CSRNP3: variants seen among roughly 807,000 people sequenced by gnomAD.
CSRNP3 encodes cysteine and serine rich nuclear protein 3.
CSRNP3 carries 12 observed loss-of-function variants against 48.0 expected under a neutral mutation model. The observed-to-expected ratio is 0.25, with a 90% CI of 0.16 to 0.41. The LOEUF (loss-of-function observed/expected upper bound fraction) is 0.41, where lower values mean the gene tolerates loss of function less well. CSRNP3 is among the 10% of genes least tolerant of loss of function. The pLI is 1.00. For synonymous variants in CSRNP3, 263 were observed against 269.7 expected (o/e 0.98, Z 0.24); for missense variants, 580 against 724.4 (o/e 0.80, Z 2.29).
chr2:165,658,911 C>G (rs1687053065), intron 5 of CSRNP3, among the ~76,000 whole-genome samples: 1 of 152,146 alleles, frequency 6.6e-6, no homozygotes, highest in South Asian at 2.1e-4. Context: ...GAGGACACAG[C>G]CAAACCATAT....
At chr2:165,650,395 G>A (rs923807870) in intron 4 of CSRNP3, among the ~76,000 whole-genome samples, 1 of 152,182 alleles carries the variant, frequency 6.6e-6, no homozygotes, top group Non-Finnish European at 1.5e-5. Flanking sequence ...CAGTTATCAA[G>A]AGAAGCCAAC....
chr2:165,471,442 G>A (rs748557195), intron 1 of CSRNP3, among the ~76,000 whole-genome samples: 2 of 151,924 alleles, frequency 1.3e-5, no homozygotes, highest in Non-Finnish European at 2.9e-5. Context: ...AATCAATGCA[G>A]CTATATTTTT....
intron 4 of CSRNP3, among the ~76,000 whole-genome samples, chr2:165,609,465 GAAA>G (rs34249194): frequency 0.028 from 2,703 of 97,518 alleles, 71 homozygotes; most frequent in African/African-American, 0.097. Flanking sequence ...TCTAAAAAAA[GAAA>G]AAAAAAAAAA....
chr2:165,471,310 T>C (rs11897179), intron 1 of CSRNP3, among the ~76,000 whole-genome samples: 1,580 of 152,126 alleles, frequency 0.01, 27 homozygotes, highest in East Asian at 0.038. Context: ...GATGGATCTT[T>C]CCGATTTTGT....
chr2:165,540,943 G>A (rs772865730), intron 3 of CSRNP3, among the ~76,000 whole-genome samples: 4 of 151,952 alleles, frequency 2.6e-5, no homozygotes, highest in Non-Finnish European at 5.9e-5. Flanking sequence ...GTATATATTT[G>A]TAAAAATCAA....
intron 4 of CSRNP3, among the ~76,000 whole-genome samples, chr2:165,596,556 A>G (rs1030118051): frequency 2.6e-5 from 4 of 152,206 alleles, no homozygotes; most frequent in Non-Finnish European, 4.4e-5. Context: ...ATTAGACAAT[A>G]TGATGAAAAG....
chr2:165,615,005 A>G (rs1686213515), intron 4 of CSRNP3, among the ~76,000 whole-genome samples: 1 of 152,294 alleles, frequency 6.6e-6, no homozygotes, highest in East Asian at 1.9e-4. Flanking sequence ...AGAATATTCC[A>G]TGTGCTGATG....
chr2:165,585,613 A>T (rs1242639442), intron 3 of CSRNP3, among the ~76,000 whole-genome samples: 1 of 152,188 alleles, frequency 6.6e-6, no homozygotes, highest in Non-Finnish European at 1.5e-5. Context: ...TATTAAGTTC[A>T]TTAGAATAGA....
intron 3 of CSRNP3, among the ~76,000 whole-genome samples, chr2:165,534,944 A>T (rs1684862547): frequency 6.6e-6 from 1 of 151,798 alleles, no homozygotes; most frequent in Non-Finnish European, 1.5e-5. Flanking sequence ...CATAATAAAA[A>T]GTGTAAATGC....
intron 2 of CSRNP3, among the ~76,000 whole-genome samples, chr2:165,514,648 T>C (rs1684551791): frequency 6.6e-6 from 1 of 152,228 alleles, no homozygotes; most frequent in Non-Finnish European, 1.5e-5. Context: ...AGAACAGGCA[T>C]TAAGCACCAG....
At chr2:165,516,715 TCTATTAG>T (rs2105231277) in intron 2 of CSRNP3, among the ~76,000 whole-genome samples, 1 of 152,254 alleles carries the variant, frequency 6.6e-6, no homozygotes, top group South Asian at 2.1e-4. Context: ...CTCAATAACC[TCTATTAG>T]CTCTGTAATT....
chr2:165,639,626 A>C (rs1281209493), intron 4 of CSRNP3, among the ~76,000 whole-genome samples: 1 of 152,174 alleles, frequency 6.6e-6, no homozygotes, highest in Non-Finnish European at 1.5e-5. Flanking sequence ...AGAAAGGACA[A>C]ATCTGAGAAT....
chr2:165,615,561 T>C (rs189065924), intron 4 of CSRNP3, among the ~76,000 whole-genome samples: 1 of 151,054 alleles, frequency 6.6e-6, no homozygotes, highest in East Asian at 1.9e-4. Context: ...AAAAGAATTA[T>C]AAAAGAATTG....
At position 165,687,588 on chromosome 2, in the gene CSRNP3, A is replaced by G. The variant is rs1424364666; in HGVS notation, c.*7835A>G. 6.6e-6 allele frequency: 1 copy of G among 152,124 alleles called. No individual in the cohort carries two copies. The highest frequency in any genetic ancestry group is 1.5e-5 in the Non-Finnish European group (1 of 67,988). 9.4% of individuals were successfully genotyped at this position (152,124 alleles called of 1,614,324 possible). ...CACTCCTCCTGTGGGAGATAGGAAT[A>G]GTTGTGAAGAGTCTGATGGAATAAA... is the stretch of plus-strand genomic sequence containing the variant. On this transcript the variant is annotated 3_prime_UTR_variant, in exon 7 of 7. Transcript: ENST00000651982.
In CSRNP3 at chr2:165,511,262, T is replaced by C. The variant is rs756070611; in HGVS notation, c.-112-6611T>C. ...CAGCTGAGGAATGGAGAATGCACTC[T>C]TTAAAAAGGTTTGTTAAAAAACAGA... On this transcript the variant is annotated intron_variant, in intron 2 of 6. Coordinates refer to ENST00000651982, the MANE Select transcript of CSRNP3 (RefSeq NM_001172173.2). Among the ~76,000 whole-genome samples, 61 of 152,192 alleles carry C rather than the reference T, an allele frequency of 4.0e-4. 1 individual carries two copies. The highest frequency in any genetic ancestry group is 7.6e-4 in the Non-Finnish European group (52 of 68,038).
At chr2:165,605,986 A>C (rs966263513) in intron 4 of CSRNP3, among the ~76,000 whole-genome samples, 6 of 152,120 alleles carry the variant, frequency 3.9e-5, no homozygotes, top group African/African-American at 1.4e-4. Flanking sequence ...CGGAGGAGAC[A>C]TTGCAAATGA....
rs1687487198 is a variant in CSRNP3 at position 165,679,313 on chromosome 2, G to C, written c.1318G>C (p.Asp440His). The C allele has an allele frequency of 1.7e-5, 27 of 1,613,670 alleles. No homozygotes were observed. Among genetic ancestry groups the C allele is most frequent in the Non-Finnish European group, 2.2e-5 (26 of 1,179,948 alleles). The change falls in exon 7 of 7, where the codon GAT (aspartate) becomes CAT (histidine). Residue 440 changes from aspartate to histidine, a missense_variant. By Grantham distance (81) the Asp-to-His change is moderately conservative. Coordinates refer to ENST00000651982, the MANE Select transcript of CSRNP3 (RefSeq NM_001172173.2). ...ANSSTLYYQIDSHIPGTPNQI... is the reference protein window; with the variant it reads ...ANSSTLYYQIHSHIPGTPNQI... The stretch of plus-strand genomic sequence containing the variant: ...CTCTTCAACTCTGTATTACCAAATA[G>C]ATAGCCACATTCCAGGAACTCCAAA...
At chr2:165,495,998 T>A (rs921825790) in intron 2 of CSRNP3, among the ~76,000 whole-genome samples, 19 of 152,072 alleles carry the variant, frequency 1.2e-4, no homozygotes, top group Middle Eastern at 3.4e-3. Context: ...AGTATAATTT[T>A]AAAAAAATTA....
intron 3 of CSRNP3, among the ~76,000 whole-genome samples, chr2:165,588,168 TA>T (rs1685661456): frequency 1.3e-5 from 2 of 152,148 alleles, no homozygotes; most frequent in South Asian, 4.1e-4. Context: ...GAAGGAATGG[TA>T]TATCAAATGT....
Sources: gnomAD v4.1 joint callset for allele counts (sites outside exome capture counted in the v4.1 genomes callset) on GRCh38, gnomAD v4.1.1 for gene constraint, MANE v1.5 for transcripts, NCBI Gene and HGNC (gene_info 2026-07-23, HGNC 2026-07-21) for gene names.